Variants in DENND1B observed in about 807,000 individuals in gnomAD.
DENND1B encodes DENN domain containing 1B.
Under a neutral mutation model 90.1 loss-of-function variants are expected in DENND1B, and 59 were observed. That is an observed-to-expected ratio of 0.65 (90% confidence interval 0.53 to 0.81). The LOEUF (loss-of-function observed/expected upper bound fraction) is 0.81. DENND1B is among the 40% of genes least tolerant of loss of function. The pLI, the probability that DENND1B is intolerant of heterozygous loss-of-function variation, is 0.00. For synonymous variants in DENND1B, 337 were observed against 324.6 expected, an observed-to-expected ratio of 1.04 and a Z score of -0.41; for missense variants, 862 against 912.6, an observed-to-expected ratio of 0.94 and a Z score of 0.71.
chr1:197,581,165 T>C (rs1283128771), intron 15 of DENND1B, among the ~76,000 whole-genome samples: 1 of 152,214 alleles, frequency 6.6e-6, no homozygotes, highest in Non-Finnish European at 1.5e-5. Flanking sequence ...TGAGGATTCA[T>C]CTGTGTTAGT....
intron 2 of DENND1B, among the ~76,000 whole-genome samples, chr1:197,771,256 A>T (rs1281835156): frequency 1.3e-5 from 2 of 152,194 alleles, no homozygotes; most frequent in Non-Finnish European, 2.9e-5. Context: ...CACCTTCGGT[A>T]ATGTTGTGGT....
At chr1:197,644,054 G>C (rs940697847) in intron 9 of DENND1B, among the ~76,000 whole-genome samples, 2 of 152,168 alleles carry the variant, frequency 1.3e-5, no homozygotes, top group Non-Finnish European at 2.9e-5. Context: ...AATCATGATA[G>C]AGCACATCAA....
chr1:197,735,975 G>T, intron 2 of DENND1B: 1 of 1,280,754 alleles, frequency 7.8e-7, no homozygotes. Flanking sequence ...GGCTGCTAAG[G>T]AAGCAAAAAA....
chr1:197,696,968 C>T (rs963051256), intron 3 of DENND1B, among the ~76,000 whole-genome samples: 22 of 150,596 alleles, frequency 1.5e-4, no homozygotes, highest in African/African-American at 4.4e-4. Flanking sequence ...GACAGGTTGC[C>T]TTGGAGGCTC....
intron 16 of DENND1B, chr1:197,552,449 T>C: frequency 2.0e-6 from 2 of 985,350 alleles, no homozygotes; most frequent in Non-Finnish European, 2.4e-6. Context: ...CCTAGATAAT[T>C]ATAACAGTAT....
chr1:197,650,835 G>C (rs1045370395), intron 7 of DENND1B, among the ~76,000 whole-genome samples: 3 of 152,124 alleles, frequency 2.0e-5, no homozygotes, highest in Non-Finnish European at 4.4e-5. Flanking sequence ...AAAAGCATAA[G>C]AATGATATAA....
At chr1:197,539,818 A>G in intron 20 of DENND1B, 146 bp downstream of exon 20, 1 of 636,120 alleles carries the variant, frequency 1.6e-6, no homozygotes, top group Non-Finnish European at 2.7e-6. Flanking sequence ...TAGCCTTCCC[A>G]GGTTCCACTA....
intron 15 of DENND1B, among the ~76,000 whole-genome samples, chr1:197,555,925 T>C (rs538726552): frequency 1.6e-4 from 24 of 152,092 alleles, no homozygotes; most frequent in Non-Finnish European, 2.5e-4. Context: ...CCCGGCACTA[T>C]TGACATAGCA....
chr1:197,671,932 T>G, intron 5 of DENND1B, 105 bp downstream of exon 5: 1 of 1,177,862 alleles, frequency 8.5e-7, no homozygotes, highest in Non-Finnish European at 1.1e-6. Flanking sequence ...ATTTTTCAAC[T>G]TGTTTTTAAA....
chr1:197,776,823 CA>C (rs79649772), upstream of DENND1B, among the ~76,000 whole-genome samples: 63,323 of 149,234 alleles, frequency 0.42, 15,401 homozygotes, highest in East Asian at 0.66. Context: ...AACAAACAAA[CA>C]AAAAAAAAAT....
chr1:197,538,569 G>C (rs1434355583), intron 20 of DENND1B, among the ~76,000 whole-genome samples: 2 of 150,786 alleles, frequency 1.3e-5, no homozygotes, highest in African/African-American at 4.9e-5. Context: ...CATGAAAGCA[G>C]AGAATTTTTG....
chr1:197,721,351 G>C (rs1661161374), intron 2 of DENND1B, among the ~76,000 whole-genome samples: 1 of 151,988 alleles, frequency 6.6e-6, no homozygotes, highest in Non-Finnish European at 1.5e-5. Context: ...TTACAGGCTT[G>C]AGCCACCGTG....
intron 20 of DENND1B, among the ~76,000 whole-genome samples, chr1:197,529,238 ATATATGTG>A (rs1345286188): frequency 6.8e-4 from 6 of 8,878 alleles, no homozygotes; most frequent in African/African-American, 1.4e-3. Context: ...ATATATATAT[ATATATGTG>A]TGTGTGTGTG....
chr1:197,595,058 G>A (rs1675561895), intron 14 of DENND1B, 150 bp downstream of exon 14: 2 of 1,072,040 alleles, frequency 1.9e-6, no homozygotes, highest in African/African-American at 1.6e-5. Flanking sequence ...GAGATGAAAT[G>A]TATGTTTTGA....
intron 14 of DENND1B, among the ~76,000 whole-genome samples, chr1:197,583,825 G>A (rs900504109): frequency 1.3e-5 from 2 of 152,066 alleles, no homozygotes; most frequent in African/African-American, 4.8e-5. Context: ...AGCGTCTTGT[G>A]GTAGCTCTAC....
intron 15 of DENND1B, among the ~76,000 whole-genome samples, chr1:197,569,563 T>TACACACACACAC (rs4026518): frequency 6.8e-6 from 1 of 148,060 alleles, no homozygotes; most frequent in African/African-American, 2.5e-5. Flanking sequence ...AAATGTGGTA[T>TACACACACACAC]ACACACACAC....
At chr1:197,559,943 GT>G (rs1672025822) in intron 15 of DENND1B, among the ~76,000 whole-genome samples, 1 of 151,932 alleles carries the variant, frequency 6.6e-6, no homozygotes, top group South Asian at 2.1e-4. Flanking sequence ...AATTAAGTAT[GT>G]GGGAGAATAG....
chr1:197,596,865 C>A lies in DENND1B; in HGVS notation c.922-1532G>T, dbSNP rs80079361. ...AAGACCAGCTCTACAGGTGATAAAA[C>A]TTCACAATAGTGACATTTTCCAGTG... On this transcript the variant is annotated intron_variant, in intron 13 of 22. Coordinates refer to ENST00000620048, the MANE Select transcript of DENND1B (RefSeq NM_001195215.2). Among the ~76,000 whole-genome samples the A allele has an allele frequency of 5.9e-3, 901 of 151,990 alleles. 13 individuals carry two copies. The highest frequency in any genetic ancestry group is 0.02 in the African/African-American group (842 of 41,522).
At chr1:197,545,279 C>G (rs1395881677) in intron 18 of DENND1B, among the ~76,000 whole-genome samples, 2 of 152,032 alleles carry the variant, frequency 1.3e-5, no homozygotes, top group African/African-American at 4.8e-5. Flanking sequence ...GTGGTGGGTG[C>G]CTGTAATCCC....
Sources: allele counts gnomAD v4.1 joint callset (sites outside exome capture counted in the v4.1 genomes callset), GRCh38; gene constraint gnomAD v4.1.1; transcripts MANE v1.5; gene names NCBI Gene and HGNC (gene_info 2026-07-23, HGNC 2026-07-21).